The following NFYC variants were observed in gnomAD, a reference collection of about 807,000 sequenced individuals.
NFYC encodes nuclear transcription factor Y subunit gamma, also known as CAAT box DNA-binding protein subunit C.
A neutral mutation model predicts 53.1 loss-of-function variants in NFYC; 25 were observed. The observed-to-expected ratio is 0.47, with a 90% CI of 0.34 to 0.66. The LOEUF is 0.66. NFYC is among the 30% of genes least tolerant of loss of function. The probability of loss-of-function intolerance (pLI) is 0.01; values close to 1 mark genes in which losing one functional copy is unlikely to be tolerated. For missense variants in NFYC, 260 were observed against 422.7 expected, an observed-to-expected ratio of 0.62 and a Z score of 3.38; for synonymous variants, 145 against 152.6, an observed-to-expected ratio of 0.95 and a Z score of 0.37.
intron 1 of NFYC, among the ~76,000 whole-genome samples, chr1:40,693,743 A>G (rs1315715971): frequency 6.6e-6 from 1 of 152,252 alleles, no homozygotes; most frequent in Admixed American, 6.5e-5. Context: ...TTTATCTGCT[A>G]CATCAGCTAT....
chr1:40,720,877 A>C (rs1314717031), intron 1 of NFYC, among the ~76,000 whole-genome samples: 1 of 152,176 alleles, frequency 6.6e-6, no homozygotes, highest in African/African-American at 2.4e-5. Context: ...ATTTAAAAAA[A>C]ATTTTTTTTT....
At chr1:40,747,653 G>C (rs1197434260) in intron 3 of NFYC, 48 bp downstream of exon 3, 6 of 1,243,712 alleles carry the variant, frequency 4.8e-6, no homozygotes, top group East Asian at 2.4e-5. Flanking sequence ...CTAAGTGATG[G>C]GTAGGTTATT....
chr1:40,729,975 C>G (rs1367678095), intron 1 of NFYC, among the ~76,000 whole-genome samples: 2 of 152,058 alleles, frequency 1.3e-5, no homozygotes, highest in African/African-American at 4.8e-5. Context: ...CGCGCCCAGC[C>G]CCATATCAGC....
At chr1:40,697,720 C>T (rs1465450287) in intron 1 of NFYC, among the ~76,000 whole-genome samples, 1 of 152,108 alleles carries the variant, frequency 6.6e-6, no homozygotes. Flanking sequence ...ACTTGAGTAA[C>T]GTTTTCTTTG....
At chr1:40,747,714 T>G (rs528447051) in intron 3 of NFYC, 109 bp downstream of exon 3, 32 of 730,866 alleles carry the variant, frequency 4.4e-5, no homozygotes, top group Middle Eastern at 2.6e-4. Flanking sequence ...ACACAAAAAT[T>G]ACTGTCTGTT....
chr1:40,746,789 C>T (rs1429313006), intron 2 of NFYC, among the ~76,000 whole-genome samples: 1 of 152,082 alleles, frequency 6.6e-6, no homozygotes, highest in African/African-American at 2.4e-5. Flanking sequence ...TAGTGCTGAT[C>T]AAAAAAGCCC....
intron 1 of NFYC, among the ~76,000 whole-genome samples, chr1:40,710,719 T>C (rs1643902110): frequency 6.6e-6 from 1 of 152,110 alleles, no homozygotes; most frequent in South Asian, 2.1e-4. Flanking sequence ...TTCCCTAGCT[T>C]CCCCTCTAAT....
chr1:40,742,870 C>T (rs572480951), intron 2 of NFYC, among the ~76,000 whole-genome samples: 9 of 152,274 alleles, frequency 5.9e-5, no homozygotes, highest in South Asian at 2.1e-4. Context: ...TCTCTGACTG[C>T]GCTGCTGCCT....
intron 1 of NFYC, among the ~76,000 whole-genome samples, chr1:40,732,978 A>G (rs1367986661): frequency 6.7e-6 from 1 of 148,784 alleles, no homozygotes; most frequent in Non-Finnish European, 1.5e-5. Flanking sequence ...AATTCCAATA[A>G]GTATGTCAGG....
intron 1 of NFYC, among the ~76,000 whole-genome samples, chr1:40,711,619 G>A (rs147044097): frequency 3.6e-4 from 55 of 152,280 alleles, no homozygotes; most frequent in African/African-American, 1.3e-3. Flanking sequence ...AAATGCACAT[G>A]GGCATGCCTG....
chr1:40,701,023 A>G lies in NFYC; in HGVS notation c.-9+9156A>G, dbSNP rs560415117. Among the ~76,000 whole-genome samples the G allele has an allele frequency of 3.9e-5, 6 of 152,356 alleles. No homozygotes were observed. The East Asian group carries it at 5.8e-4, about 15-fold the overall frequency. ...ACGTGGGACTGATTGTGCCAGTCCAATGTTTAAGACGCATTAGTTCCTTAT... is the reference window on the plus strand; with the variant it reads ...ACGTGGGACTGATTGTGCCAGTCCAGTGTTTAAGACGCATTAGTTCCTTAT... On this transcript the variant is annotated intron_variant, in intron 1 of 9. Coordinates refer to ENST00000447388, the MANE Select transcript of NFYC (RefSeq NM_014223.5).
intron 2 of NFYC, among the ~76,000 whole-genome samples, chr1:40,741,446 A>G (rs528126939): frequency 6.6e-6 from 1 of 152,154 alleles, no homozygotes; most frequent in East Asian, 1.9e-4. Context: ...TGCATTTTCA[A>G]CTTAGGATCT....
At chr1:40,739,404 G>A (rs1057032376) in intron 2 of NFYC, among the ~76,000 whole-genome samples, 2 of 152,110 alleles carry the variant, frequency 1.3e-5, no homozygotes, top group African/African-American at 2.4e-5. Flanking sequence ...TACTTTGATC[G>A]CAGTTTCTCA....
At chr1:40,750,219 A>G (rs191066544) in intron 4 of NFYC, among the ~76,000 whole-genome samples, 18 of 151,966 alleles carry the variant, frequency 1.2e-4, no homozygotes, top group Admixed American at 1.1e-3. Flanking sequence ...GCCCTTGGTC[A>G]TTGACTCTAG....
At chr1:40,717,735 T>G (rs1487282936) in intron 1 of NFYC, among the ~76,000 whole-genome samples, 1 of 152,256 alleles carries the variant, frequency 6.6e-6, no homozygotes. Flanking sequence ...TTTTATTTTT[T>G]GAGTTGCTTT....
At chr1:40,765,080 T>A (rs913778553) in intron 7 of NFYC, among the ~76,000 whole-genome samples, 13 of 152,166 alleles carry the variant, frequency 8.5e-5, no homozygotes, top group Non-Finnish European at 1.6e-4. Context: ...CTAGCCACCA[T>A]CAGTCTCTGT....
chr1:40,725,716 A>AAT (rs1422591488), intron 1 of NFYC, among the ~76,000 whole-genome samples: 5 of 152,180 alleles, frequency 3.3e-5, no homozygotes, highest in African/African-American at 4.8e-5. Context: ...AGCTCATTTA[A>AAT]ATGAAGAAAC....
intron 3 of NFYC, among the ~76,000 whole-genome samples, chr1:40,748,292 T>C (rs1246748069): frequency 6.6e-6 from 1 of 151,768 alleles, no homozygotes; most frequent in Non-Finnish European, 1.5e-5. Context: ...CCATCATGTC[T>C]GGCTTAATTT....
intron 8 of NFYC, among the ~76,000 whole-genome samples, chr1:40,767,733 T>C (rs1191907152): frequency 6.6e-6 from 1 of 152,112 alleles, no homozygotes; most frequent in African/African-American, 2.4e-5. Flanking sequence ...CCCAGCACTT[T>C]GGGAGGGAGG....
Sources: allele counts gnomAD v4.1 joint callset (sites outside exome capture counted in the v4.1 genomes callset), GRCh38; gene constraint gnomAD v4.1.1; transcripts MANE v1.5; gene names NCBI Gene and HGNC (gene_info 2026-07-23, HGNC 2026-07-21).